SNX15: variants seen among roughly 807,000 people sequenced by gnomAD.
SNX15 encodes sorting nexin 15, also known as sorting nexin-15.
SNX15 carries 29 observed loss-of-function variants against 35.2 expected under a neutral mutation model. That is an observed-to-expected ratio of 0.82 (90% confidence interval 0.61 to 1.12). SNX15 has a LOEUF of 1.12. Ranked by LOEUF, SNX15 falls within the 50% of genes most tolerant of loss-of-function variation. The pLI, the probability that SNX15 is intolerant of heterozygous loss-of-function variation, is 0.00. For synonymous variants in SNX15, 189 were observed against 188.2 expected (o/e 1.00, Z -0.03); for missense variants, 400 against 451.5 (o/e 0.89, Z 1.03).
chr11:65,033,543 CAAAAAAAAAAAA>C (rs35724941), intron 3 of SNX15, among the ~76,000 whole-genome samples: 1 of 86,474 alleles, frequency 1.2e-5, no homozygotes, highest in Non-Finnish European at 2.3e-5. Context: ...GACTCCGTCT[CAAAAAAAAAAAA>C]AAAAAAAAAA....
At chr11:65,039,502 G>A (rs1309440239) in intron 7 of SNX15, among the ~76,000 whole-genome samples, 184 bp from the exon 8 acceptor site, 2 of 152,136 alleles carry the variant, frequency 1.3e-5, no homozygotes, top group African/African-American at 2.4e-5. Context: ...GATTACAGGC[G>A]TGAGCCACCG....
At chr11:65,039,606 G>T in intron 7 of SNX15, 80 bp from the exon 8 acceptor site, 1 of 809,688 alleles carries the variant, frequency 1.2e-6, no homozygotes, top group Non-Finnish European at 2.1e-6. Flanking sequence ...GATGCTCTGC[G>T]AATTGTAAAG....
chr11:65,029,792 G>A (rs1171854184), intron 1 of SNX15, among the ~76,000 whole-genome samples: 1 of 151,852 alleles, frequency 6.6e-6, no homozygotes, highest in Non-Finnish European at 1.5e-5. Flanking sequence ...GGCCAGGCTG[G>A]TCTCGAACTC....
intron 5 of SNX15, 77 bp from the exon 6 acceptor site, chr11:65,035,443 T>A (rs1946490433): frequency 1.3e-6 from 2 of 1,483,354 alleles, no homozygotes; most frequent in Non-Finnish European, 1.8e-6. Context: ...CTGCAAGGGT[T>A]TAAGGAGAGA....
intron 1 of SNX15, among the ~76,000 whole-genome samples, chr11:65,029,148 C>CT (rs1231482136): frequency 6.7e-6 from 1 of 148,554 alleles, no homozygotes; most frequent in East Asian, 1.9e-4. Flanking sequence ...TTCCCAGTGG[C>CT]TTTTTTGTGT....
intron 1 of SNX15, among the ~76,000 whole-genome samples, chr11:65,028,827 C>T (rs1024356594): frequency 4.0e-5 from 6 of 151,420 alleles, no homozygotes; most frequent in African/African-American, 1.5e-4. Context: ...GGCGCGGTGG[C>T]TCACGCCTGT....
intron 6 of SNX15, chr11:65,037,217 T>A (rs944591807): frequency 3.3e-5 from 5 of 151,920 alleles, no homozygotes; most frequent in Admixed American, 3.3e-4. Context: ...TTTTTATTTT[T>A]TTTTATTTAT....
chr11:65,027,719 T>C (rs1946389412), intron 1 of SNX15, 83 bp downstream of exon 1: 2 of 1,016,328 alleles, frequency 2.0e-6, no homozygotes, highest in Non-Finnish European at 3.1e-6. Context: ...GTGCAGCCAC[T>C]GCTCCCTTTT....
chr11:65,027,505 G>A lies in SNX15; in HGVS notation c.-33G>A, dbSNP rs768663767. On this transcript the variant is annotated 5_prime_UTR_variant, in exon 1 of 8. Transcript: ENST00000377244. ...GGGGTGGGGACGGCGAGGAGGTGGA[G>A]GCCGGCGCTCCGCTCCGCTCCAGCT... 6 of 1,586,874 alleles carry A rather than the reference G, an allele frequency of 3.8e-6. No individual in the cohort carries two copies. The highest frequency in any genetic ancestry group is 1.3e-5 in the African/African-American group (1 of 74,422).
chr11:65,028,081 A>G (rs1274936741), intron 1 of SNX15, among the ~76,000 whole-genome samples: 1 of 152,238 alleles, frequency 6.6e-6, no homozygotes, highest in Non-Finnish European at 1.5e-5. Flanking sequence ...TCAGTGGTTG[A>G]AAAAAATTGA....
chr11:65,036,364 A>G (rs1404208914), intron 6 of SNX15: 2 of 152,354 alleles, frequency 1.3e-5, no homozygotes, highest in African/African-American at 4.8e-5. Flanking sequence ...CCTGGGCAAT[A>G]TAGCAAGAGT....
chr11:65,038,467 G>T, intron 6 of SNX15, 105 bp from the exon 7 acceptor site: 1 of 1,411,352 alleles, frequency 7.1e-7, no homozygotes, highest in Non-Finnish European at 9.4e-7. Flanking sequence ...CCCCTCTACT[G>T]GGGACAGGCT....
Position 65,039,983 on chromosome 11 carries a change from A to T in SNX15, c.*191A>T. On this transcript the variant is annotated 3_prime_UTR_variant, in exon 8 of 8. Transcript: ENST00000377244. ...CCTGCCACCTTGGAATCAAGGACTC[A>T]CACTTCTGACCCTGCCTGTCTTTTT... 1 of 526,552 alleles carries T rather than the reference A, an allele frequency of 1.9e-6. No individual in the cohort carries two copies. The highest frequency in any genetic ancestry group is 2.6e-5 in the South Asian group (1 of 38,702). 32.6% of individuals were successfully genotyped at this position (526,552 alleles called of 1,614,324 possible). A position where few individuals can be genotyped will look rare whatever the true frequency, so the allele number is the denominator to read the frequency against.
Position 65,035,627 on chromosome 11 carries a change from G to T in SNX15, c.628G>T (p.Ala210Ser). The T allele has an allele frequency of 6.2e-7, 1 of 1,613,380 alleles. No homozygotes were observed. Among genetic ancestry groups the T allele is most frequent in the Non-Finnish European group, 8.5e-7 (1 of 1,179,640 alleles). ...CCCTGCCCGAGGCCCCCTCACCGAG[G>T]CTGAGCTTGCCCTCTTCGACCCCTT... ...GSPARGPLTE[A>S]ELALFDPFSK... The change falls in exon 6 of 8, where the codon GCT becomes TCT. Residue 210 changes from alanine to serine, a missense_variant. By Grantham distance (99) the Ala-to-Ser change is moderately conservative. Transcript: ENST00000377244.
chr11:65,035,344 G>A, intron 5 of SNX15, 138 bp downstream of exon 5: 1 of 1,238,104 alleles, frequency 8.1e-7, no homozygotes, highest in Non-Finnish European at 1.1e-6. Context: ...GGAACTTTGG[G>A]CAGGTCCTTT....
chr11:65,036,202 G>A (rs1375882466), intron 6 of SNX15: 2 of 152,516 alleles, frequency 1.3e-5, no homozygotes, highest in African/African-American at 4.8e-5. Context: ...CTTGCTGTGA[G>A]ATCCTGGGAC....
Position 65,032,532 on chromosome 11 carries a change from C to T in SNX15, c.237C>T (p.Phe79=), listed in dbSNP as rs368357639. The T allele has an allele frequency of 8.1e-6, 13 of 1,613,190 alleles. No individual in the cohort carries two copies. In the Admixed American group the frequency reaches 8.3e-5, roughly 10 times the overall value. ...GCCGCCTCGAGGAGTTCCCTGCTTT[C>T]CCCCGGGCCCAGGTGTTTGGTGAGT... ...LFRRLEEFPA[F]PRAQVFGRFE... The change falls in exon 3 of 8, where the codon TTC becomes TTT. Residue 79 remains phenylalanine (F), a synonymous_variant. Transcript: ENST00000377244.
At chr11:65,032,077 G>A (rs186092770) in intron 1 of SNX15, 91 bp from the exon 2 acceptor site, 180 of 1,291,206 alleles carry the variant, frequency 1.4e-4, no homozygotes, top group African/African-American at 7.9e-4. Flanking sequence ...TGCCCCGTGA[G>A]GGGGACTAGG....
At chr11:65,031,240 C>T (rs565361133) in intron 1 of SNX15, among the ~76,000 whole-genome samples, 2 of 152,232 alleles carry the variant, frequency 1.3e-5, no homozygotes, top group East Asian at 3.9e-4. Flanking sequence ...CCCAGGCTGG[C>T]CTCAAACTCC....
Sources: gnomAD v4.1 joint callset for allele counts (sites outside exome capture counted in the v4.1 genomes callset) on GRCh38, gnomAD v4.1.1 for gene constraint, MANE v1.5 for transcripts, NCBI Gene and HGNC (gene_info 2026-07-23, HGNC 2026-07-21) for gene names.